TMEM50A: variants seen among roughly 807,000 people sequenced by gnomAD.
TMEM50A encodes the protein transmembrane protein 50A.
In TMEM50A, 8 loss-of-function variants were observed where a neutral mutation model predicts 23.9. That is an observed-to-expected ratio of 0.33 (90% CI 0.20 to 0.60). The LOEUF (loss-of-function observed/expected upper bound fraction) is 0.60. TMEM50A is among the 20% of genes least tolerant of loss of function. TMEM50A has a pLI of 0.81. For synonymous variants in TMEM50A, 55 were observed against 60.4 expected (o/e 0.91, Z 0.41); for missense variants, 178 against 192.7 (o/e 0.92, Z 0.45).
chr1:25,347,946 T>G (rs992759957), intron 3 of TMEM50A, among the ~76,000 whole-genome samples: 2 of 152,238 alleles, frequency 1.3e-5, no homozygotes, highest in African/African-American at 4.8e-5. Flanking sequence ...AAGTTTTATT[T>G]TTGTGATTGT....
In TMEM50A at chr1:25,360,803, T is replaced by C. The variant is rs1645392872; in HGVS notation, c.*98T>C. ...TTTGTAATGCCATTTTCTAAACTTA[T>C]TTCTGAGTGTAGTCTCAGCTTAAAG... On this transcript the variant is annotated 3_prime_UTR_variant, in exon 7 of 7. Coordinates refer to ENST00000374358, the MANE Select transcript of TMEM50A (RefSeq NM_014313.4). The C allele has an allele frequency of 2.3e-6, 3 of 1,327,862 alleles. No homozygotes were observed. In the South Asian group the frequency reaches 3.7e-5, roughly 16 times the overall value. The allele number at this position is 1,327,862 out of a possible 1,614,324, so 82.3% of individuals were successfully genotyped here. A position where few individuals can be genotyped will look rare whatever the true frequency, so the allele number is the denominator to read the frequency against.
At chr1:25,345,166 C>T (rs1349511053) in intron 3 of TMEM50A, among the ~76,000 whole-genome samples, 7 of 149,846 alleles carry the variant, frequency 4.7e-5, no homozygotes, top group African/African-American at 1.5e-4. Context: ...TTACTTTGGC[C>T]GGGCATGGTG....
intron 1 of TMEM50A, among the ~76,000 whole-genome samples, chr1:25,340,068 C>G (rs1645151452): frequency 6.6e-6 from 1 of 152,248 alleles, no homozygotes; most frequent in Non-Finnish European, 1.5e-5. Context: ...TCCCAAGTAG[C>G]TGCGATTACA....
chr1:25,350,869 A>G (rs1367853186), intron 3 of TMEM50A, among the ~76,000 whole-genome samples: 1 of 151,852 alleles, frequency 6.6e-6, no homozygotes, highest in Non-Finnish European at 1.5e-5. Context: ...CCACTGCTCT[A>G]GAGAGTATCT....
intron 3 of TMEM50A, among the ~76,000 whole-genome samples, chr1:25,349,937 TTGA>T (rs1645259501): frequency 6.6e-6 from 1 of 152,262 alleles, no homozygotes; most frequent in Non-Finnish European, 1.5e-5. Context: ...TAACTTTAAC[TTGA>T]TGTATTGTGA....
intron 3 of TMEM50A, among the ~76,000 whole-genome samples, chr1:25,345,120 CTT>C (rs775789415): frequency 1.0e-4 from 12 of 117,458 alleles, no homozygotes; most frequent in East Asian, 2.4e-4. Flanking sequence ...ACCACATCTT[CTT>C]TTTTTTTTTT....
chr1:25,360,769 T>C lies in TMEM50A; in HGVS notation c.*64T>C. 5 of 1,546,544 alleles carry C rather than the reference T, an allele frequency of 3.2e-6. No individual in the cohort carries two copies. Among genetic ancestry groups the C allele is most frequent in the Non-Finnish European group, 4.4e-6 (5 of 1,124,402 alleles). Reference sequence around the variant, plus strand: ...GTTTGTTTGTTTTTTTACTGCTCACTCCCAACCTTTTGTAATGCCATTTTC... The same window carrying C: ...GTTTGTTTGTTTTTTTACTGCTCACCCCCAACCTTTTGTAATGCCATTTTC... On this transcript the variant is annotated 3_prime_UTR_variant, in exon 7 of 7. Transcript: ENST00000374358.
intron 2 of TMEM50A, among the ~76,000 whole-genome samples, chr1:25,342,181 T>C (rs1487807212): frequency 1.3e-5 from 2 of 152,194 alleles, no homozygotes; most frequent in Non-Finnish European, 2.9e-5. Context: ...TTTAAAATAA[T>C]TGCCAGAAGA....
At chr1:25,346,831 C>G (rs1645223682) in intron 3 of TMEM50A, among the ~76,000 whole-genome samples, 1 of 152,058 alleles carries the variant, frequency 6.6e-6, no homozygotes, top group Non-Finnish European at 1.5e-5. Flanking sequence ...CCAGCCTGGC[C>G]AACATGGTGA....
At chr1:25,340,415 C>T (rs1411048552) in intron 1 of TMEM50A, 59 bp from the exon 2 acceptor site, 10 of 1,179,950 alleles carry the variant, frequency 8.5e-6, no homozygotes, top group Admixed American at 2.1e-5. Flanking sequence ...AATTATTTTT[C>T]GGGCTTGAAG....
intron 3 of TMEM50A, among the ~76,000 whole-genome samples, chr1:25,347,166 A>G (rs1052391345): frequency 6.6e-6 from 1 of 152,066 alleles, no homozygotes; most frequent in African/African-American, 2.4e-5. Context: ...AACATTCTCA[A>G]TCAGCACTTC....
chr1:25,340,686 C>G, intron 2 of TMEM50A, 107 bp downstream of exon 2: 1 of 717,966 alleles, frequency 1.4e-6, no homozygotes, highest in Non-Finnish European at 2.2e-6. Flanking sequence ...TTATCTTTGA[C>G]CACTTTGACC....
chr1:25,342,920 A>C (rs753033078), intron 2 of TMEM50A, 41 bp from the exon 3 acceptor site: 1 of 1,542,818 alleles, frequency 6.5e-7, no homozygotes, highest in Non-Finnish European at 8.9e-7. Flanking sequence ...AGTGAGATAC[A>C]GAATTGCTAT....
Position 25,361,207 on chromosome 1 carries a change from T to G in TMEM50A, c.*502T>G, listed in dbSNP as rs1395609977. The G allele has an allele frequency of 6.4e-6, 1 of 156,462 alleles. No individual in the cohort carries two copies. Among genetic ancestry groups the G allele is most frequent in the Non-Finnish European group, 1.4e-5 (1 of 70,734 alleles). 9.7% of individuals were successfully genotyped at this position (156,462 alleles called of 1,614,324 possible). On this transcript the variant is annotated 3_prime_UTR_variant, in exon 7 of 7. Transcript: ENST00000374358. ...ACTTTTACCAAAAATTCTGTGAACA[T>G]GTAATGTAACTGGCTTTTGAGGGTC...
At chr1:25,349,283 A>T (rs890771351) in intron 3 of TMEM50A, among the ~76,000 whole-genome samples, 1 of 152,220 alleles carries the variant, frequency 6.6e-6, no homozygotes, top group Non-Finnish European at 1.5e-5. Context: ...GAGAACATAC[A>T]TAAAAATAAT....
At chr1:25,347,363 G>A (rs1645229954) in intron 3 of TMEM50A, among the ~76,000 whole-genome samples, 2 of 152,002 alleles carry the variant, frequency 1.3e-5, no homozygotes, top group African/African-American at 4.8e-5. Flanking sequence ...AGCCTCCTGA[G>A]TAACTGGGAT....
intron 5 of TMEM50A, among the ~76,000 whole-genome samples, chr1:25,354,401 C>T (rs1645311272): frequency 6.6e-6 from 1 of 152,038 alleles, no homozygotes; most frequent in African/African-American, 2.4e-5. Context: ...CTGCATGAGG[C>T]CAGGATTTTG....
chr1:25,339,364 T>A (rs1372600703), intron 1 of TMEM50A, among the ~76,000 whole-genome samples: 1 of 152,234 alleles, frequency 6.6e-6, no homozygotes, highest in Admixed American at 6.5e-5. Context: ...TTTTGTAATC[T>A]GAATTACTAT....
At position 25,357,562 on chromosome 1, in the gene TMEM50A, T is replaced by TGTGTGTTG. The variant is rs397778370; in HGVS notation, c.428+709_428+710insGTGTGTTG. On this transcript the variant is annotated intron_variant, in intron 6 of 6. Coordinates refer to ENST00000374358, the MANE Select transcript of TMEM50A (RefSeq NM_014313.4). ...GTGTGTGTGTGTGTGTGTGTGTGTG[T>TGTGTGTTG]TGTGTGTGTGTGTGTTGTTTTGAGA... 3.4e-3 allele frequency among the ~76,000 whole-genome samples: 453 copies of TGTGTGTTG among 132,066 alleles called. 2 individuals are homozygous for TGTGTGTTG. Among genetic ancestry groups the TGTGTGTTG allele is most frequent in the African/African-American group, 0.014 (435 of 31,350 alleles). The allele number at this position is 132,066 out of a possible 152,430, so 86.6% of individuals were successfully genotyped here. A position where few individuals can be genotyped will look rare whatever the true frequency, so the allele number is the denominator to read the frequency against.
Sources: allele counts gnomAD v4.1 joint callset (sites outside exome capture counted in the v4.1 genomes callset), GRCh38; gene constraint gnomAD v4.1.1; transcripts MANE v1.5; gene names NCBI Gene and HGNC (gene_info 2026-07-23, HGNC 2026-07-21).